KLRF1: variants seen among roughly 807,000 people sequenced by gnomAD.
KLRF1 encodes the protein killer cell lectin-like receptor subfamily F member 1.
Under a neutral mutation model 30.7 loss-of-function variants are expected in KLRF1, and 27 were observed. The observed-to-expected ratio is 0.88, with a 90% CI of 0.65 to 1.21. The LOEUF is 1.21. Ranked by LOEUF, KLRF1 falls within the 50% of genes most tolerant of loss-of-function variation. KLRF1 has a pLI of 0.00. For synonymous variants in KLRF1, 92 were observed against 89.3 expected, an observed-to-expected ratio of 1.03 and a Z score of -0.17; for missense variants, 246 against 259.3, an observed-to-expected ratio of 0.95 and a Z score of 0.35.
intron 3 of KLRF1, among the ~76,000 whole-genome samples, chr12:9,836,641 A>G (rs951444102): frequency 2.6e-5 from 4 of 152,082 alleles, no homozygotes; most frequent in African/African-American, 9.7e-5. Context: ...CTAATCTACT[A>G]GTTCGTATTT....
chr12:9,811,703 T>C, the KLRF1 span, among the ~76,000 whole-genome samples: 2 of 152,084 alleles, frequency 1.3e-5, no homozygotes, highest in African/African-American at 4.8e-5. Context: ...GAGGGAAAAA[T>C]AACCCTAGAA....
chr12:9,835,050 A>G (rs1333865585), intron 3 of KLRF1, among the ~76,000 whole-genome samples: 1 of 152,148 alleles, frequency 6.6e-6, no homozygotes, highest in Non-Finnish European at 1.5e-5. Context: ...TACCGAGAGC[A>G]ATAGTGGAGG....
upstream of KLRF1, among the ~76,000 whole-genome samples, chr12:9,823,518 C>T (rs373685250): frequency 6.1e-4 from 93 of 152,170 alleles, no homozygotes; most frequent in Admixed American, 2.2e-3. Flanking sequence ...TAGCGCTAAA[C>T]GCCTACACAA....
chr12:9,842,869 G>T (rs1406355833), intron 5 of KLRF1, among the ~76,000 whole-genome samples: 1 of 151,982 alleles, frequency 6.6e-6, no homozygotes, highest in Admixed American at 6.6e-5. Context: ...TAAAAGTTCT[G>T]TCAACATTTT....
intron 3 of KLRF1, 87 bp from the exon 4 acceptor site, chr12:9,841,725 T>C: frequency 1.0e-6 from 1 of 958,934 alleles, no homozygotes; most frequent in Non-Finnish European, 1.5e-6. Flanking sequence ...CTCTTATTTA[T>C]ACAACATGTA....
At chr12:9,815,328 A>G in the KLRF1 span, among the ~76,000 whole-genome samples, 2 of 152,242 alleles carry the variant, frequency 1.3e-5, no homozygotes, top group African/African-American at 4.8e-5. Flanking sequence ...GAAGTAACAG[A>G]AATGTCTCAA....
At chr12:9,825,398 C>A (rs1413531600), upstream of KLRF1, among the ~76,000 whole-genome samples, 1 of 152,044 alleles carries the variant, frequency 6.6e-6, no homozygotes, top group African/African-American at 2.4e-5. Context: ...CTGACAAAAA[C>A]AAGCCATGGG....
the KLRF1 span, among the ~76,000 whole-genome samples, chr12:9,814,571 T>C: frequency 3.9e-5 from 6 of 152,208 alleles, no homozygotes; most frequent in Non-Finnish European, 7.3e-5. Context: ...TCAGGAGGCC[T>C]GACTGAAGAC....
chr12:9,828,213 G>A (rs1285543826), intron 1 of KLRF1, among the ~76,000 whole-genome samples: 1 of 151,852 alleles, frequency 6.6e-6, no homozygotes, highest in Non-Finnish European at 1.5e-5. Flanking sequence ...CTGAGTAGCT[G>A]AGATTATAGG....
At chr12:9,811,333 A>AAAAAAAG in the KLRF1 span, among the ~76,000 whole-genome samples, 1 of 151,216 alleles carries the variant, frequency 6.6e-6, no homozygotes, top group Non-Finnish European at 1.5e-5. Context: ...AAAAAAAAAA[A>AAAAAAAG]AAAGAGAGAA....
At position 9,837,514 on chromosome 12, in the gene KLRF1, T is replaced by G. The variant is rs935065004; in HGVS notation, c.334+4062T>G. On this transcript the variant is annotated intron_variant, in intron 3 of 5. Coordinates refer to ENST00000617889, the MANE Select transcript of KLRF1 (RefSeq NM_016523.3). ...GACCTTTTCAGGTAATTTCTGAGCA[T>G]GCATCCAGCTCAGGGCTTGTGCCTG... is the stretch of plus-strand genomic sequence containing the variant. Among the ~76,000 whole-genome samples the G allele has an allele frequency of 4.6e-5, 7 of 152,128 alleles. 1 individual carries two copies. In the South Asian group the frequency reaches 1.5e-3, roughly 32 times the overall value.
At chr12:9,822,733 A>T (rs544673864), upstream of KLRF1, among the ~76,000 whole-genome samples, 3 of 152,170 alleles carry the variant, frequency 2.0e-5, no homozygotes, top group Non-Finnish European at 4.4e-5. Flanking sequence ...ACCATCTCAC[A>T]CACAATGACA....
At chr12:9,839,894 A>G (rs1242010944) in intron 3 of KLRF1, among the ~76,000 whole-genome samples, 1 of 152,154 alleles carries the variant, frequency 6.6e-6, no homozygotes, top group South Asian at 2.1e-4. Flanking sequence ...AAATTTGTAC[A>G]TGAATGTTCA....
At chr12:9,840,350 T>C (rs1228013249) in intron 3 of KLRF1, among the ~76,000 whole-genome samples, 1 of 152,022 alleles carries the variant, frequency 6.6e-6, no homozygotes, top group Admixed American at 6.6e-5. Flanking sequence ...TTATGTTACG[T>C]GAAGAAAAAT....
At chr12:9,840,625 A>G (rs1867679598) in intron 3 of KLRF1, among the ~76,000 whole-genome samples, 1 of 152,034 alleles carries the variant, frequency 6.6e-6, no homozygotes, top group East Asian at 1.9e-4. Context: ...TAATCATTTA[A>G]TCATTAATTA....
At chr12:9,805,881 C>CT in the KLRF1 span, among the ~76,000 whole-genome samples, 1 of 152,070 alleles carries the variant, frequency 6.6e-6, no homozygotes, top group African/African-American at 2.4e-5. Flanking sequence ...ATGTTCCCCT[C>CT]TTTCATTCCT....
intron 3 of KLRF1, among the ~76,000 whole-genome samples, chr12:9,840,111 A>G (rs1365379968): frequency 1.3e-5 from 2 of 152,142 alleles, no homozygotes; most frequent in Non-Finnish European, 2.9e-5. Context: ...AAAAGGCCAC[A>G]TATTGTATGA....
chr12:9,832,302 G>A lies in KLRF1; in HGVS notation c.86-14G>A. On this transcript the variant is annotated splice_polypyrimidine_tract_variant and intron_variant, in intron 1 of 5. Coordinates refer to ENST00000617889, the MANE Select transcript of KLRF1 (RefSeq NM_016523.3). ...CATACTTTTCTAAACTAATTCATGT[G>A]ATTAATGTCTCAGATTATTCAGTGA... 1 of 1,426,082 alleles carries A rather than the reference G, an allele frequency of 7.0e-7. No individual in the cohort carries two copies. Among genetic ancestry groups the A allele is most frequent in the South Asian group, 1.2e-5 (1 of 86,106 alleles). 88.3% of individuals were successfully genotyped at this position (1,426,082 alleles called of 1,614,324 possible).
At chr12:9,839,714 A>T (rs1867661836) in intron 3 of KLRF1, among the ~76,000 whole-genome samples, 1 of 152,106 alleles carries the variant, frequency 6.6e-6, no homozygotes, top group Admixed American at 6.6e-5. Context: ...TCACACAAAA[A>T]GAGCAAGTGT....
Sources: gnomAD v4.1 joint callset for allele counts (sites outside exome capture counted in the v4.1 genomes callset) on GRCh38, gnomAD v4.1.1 for gene constraint, MANE v1.5 for transcripts, NCBI Gene and HGNC (gene_info 2026-07-23, HGNC 2026-07-21) for gene names.